The following SCAPER variants were observed in gnomAD, a reference collection of about 807,000 sequenced individuals.
The protein encoded by SCAPER is S phase cyclin A-associated protein in the endoplasmic reticulum.
In SCAPER, 98 loss-of-function variants were observed where a neutral mutation model predicts 182.2. That is an observed-to-expected ratio of 0.54 (90% CI 0.46 to 0.64). SCAPER has a LOEUF of 0.64. Among genes scored for constraint, SCAPER ranks in the 30% least tolerant of loss-of-function variants. The pLI is 0.00. For synonymous variants in SCAPER, 605 were observed against 564.6 expected, an observed-to-expected ratio of 1.07 and a Z score of -1.01; for missense variants, 1,432 against 1,690.0, an observed-to-expected ratio of 0.85 and a Z score of 2.68.
intron 21 of SCAPER, among the ~76,000 whole-genome samples, chr15:76,653,408 A>G (rs1242569531): frequency 1.3e-5 from 2 of 152,198 alleles, no homozygotes; most frequent in Non-Finnish European, 2.9e-5. Context: ...AAATAACAAC[A>G]GCAATCCTAA....
chr15:76,627,063 T>C (rs1166473364), intron 21 of SCAPER, among the ~76,000 whole-genome samples: 2 of 152,200 alleles, frequency 1.3e-5, no homozygotes, highest in African/African-American at 4.8e-5. Flanking sequence ...TTGTCTACTT[T>C]GGTAAGATTA....
intron 15 of SCAPER, among the ~76,000 whole-genome samples, chr15:76,733,617 G>A (rs573279980): frequency 2.0e-4 from 31 of 152,060 alleles, no homozygotes; most frequent in African/African-American, 7.5e-4. Context: ...AGCCAGGCGT[G>A]GTGGCAGGTG....
At chr15:76,727,628 T>G (rs1235989694) in intron 17 of SCAPER, among the ~76,000 whole-genome samples, 2 of 151,968 alleles carry the variant, frequency 1.3e-5, no homozygotes, top group Non-Finnish European at 2.9e-5. Flanking sequence ...ACTATAAAAT[T>G]TTGAAGAATG....
At chr15:76,504,708 C>G (rs2041429782) in intron 24 of SCAPER, 151 bp downstream of exon 24, 1 of 587,064 alleles carries the variant, frequency 1.7e-6, no homozygotes, top group Non-Finnish European at 2.9e-6. Context: ...ACGTTGAGCA[C>G]CTCTGTTTTT....
intron 15 of SCAPER, among the ~76,000 whole-genome samples, chr15:76,735,976 A>G (rs2061240384): frequency 6.6e-6 from 1 of 152,202 alleles, no homozygotes; most frequent in Non-Finnish European, 1.5e-5. Context: ...AATCAACCAT[A>G]GATAAAAAAT....
chr15:76,706,292 T>C (rs903021417), intron 17 of SCAPER, among the ~76,000 whole-genome samples: 2 of 151,896 alleles, frequency 1.3e-5, no homozygotes. Context: ...AAAAACTCAA[T>C]TAAACCATTA....
chr15:76,608,302 G>A lies in SCAPER; in HGVS notation c.2711+13462C>T, dbSNP rs1030570322. Among the ~76,000 whole-genome samples the A allele has an allele frequency of 4.6e-5, 7 of 152,250 alleles. No homozygotes were observed. The South Asian group carries it at 1.5e-3, about 32-fold the overall frequency. ...GTCCACTCCAGACACTGTTTGCCTG[G>A]GTATCAGCAGCGGTGGCTGCAGAAC... On this transcript the variant is annotated intron_variant, in intron 22 of 31. Transcript: ENST00000563290.
chr15:76,847,073 G>A (rs867423158), intron 4 of SCAPER, among the ~76,000 whole-genome samples: 12 of 152,188 alleles, frequency 7.9e-5, no homozygotes, highest in Admixed American at 2.0e-4. Flanking sequence ...AGGTCCTTAC[G>A]TAAATGAAAT....
Position 76,502,368 on chromosome 15 carries a change from T to C in SCAPER, c.2954+2491A>G, listed in dbSNP as rs143402353. ...TGGATTAAGAAAAATGTGGCACATA[T>C]ACACCGTGGAATACTATGCAGCCAT... On this transcript the variant is annotated intron_variant, in intron 24 of 31. Coordinates refer to ENST00000563290, the MANE Select transcript of SCAPER (RefSeq NM_020843.4). Among the ~76,000 whole-genome samples, 31 of 152,256 alleles carry C rather than the reference T, an allele frequency of 2.0e-4. 1 individual carries two copies. In the East Asian group the frequency reaches 2.7e-3, roughly 13 times the overall value.
intron 23 of SCAPER, among the ~76,000 whole-genome samples, chr15:76,511,997 C>T (rs985868851): frequency 9.9e-5 from 15 of 151,628 alleles, no homozygotes; most frequent in African/African-American, 3.6e-4. Context: ...ATTCTTCTAC[C>T]TCAGCCTCCC....
At chr15:76,866,074 A>ATCTAACTTACACTGGCATC (rs1357509150) in intron 2 of SCAPER, among the ~76,000 whole-genome samples, 1 of 152,180 alleles carries the variant, frequency 6.6e-6, no homozygotes, top group African/African-American at 2.4e-5. Flanking sequence ...GGTCAGTTCT[A>ATCTAACTTACACTGGCATC]TCTAACTTAC....
At chr15:76,893,110 G>A (rs2074248572) in intron 1 of SCAPER, among the ~76,000 whole-genome samples, 1 of 152,160 alleles carries the variant, frequency 6.6e-6, no homozygotes, top group Admixed American at 6.5e-5. Flanking sequence ...TCATCCTTGG[G>A]ATGGTAATTG....
intron 2 of SCAPER, among the ~76,000 whole-genome samples, chr15:76,881,744 TTAATG>T (rs2073553293): frequency 6.6e-6 from 1 of 152,128 alleles, no homozygotes; most frequent in Non-Finnish European, 1.5e-5. Context: ...AAATTATTGT[TTAATG>T]TATAGAGTTT....
chr15:76,489,682 T>G (rs189585220), intron 24 of SCAPER, among the ~76,000 whole-genome samples: 4 of 152,170 alleles, frequency 2.6e-5, no homozygotes, highest in African/African-American at 9.7e-5. Context: ...CACAGCATAT[T>G]TTTAAGTGTA....
chr15:76,355,615 C>T (rs1012272625), intron 29 of SCAPER, among the ~76,000 whole-genome samples: 6 of 151,908 alleles, frequency 3.9e-5, no homozygotes, highest in Admixed American at 1.3e-4. Context: ...ATTGTTAAAA[C>T]GCTATTATTG....
chr15:76,707,838 T>C (rs919878245), intron 17 of SCAPER, among the ~76,000 whole-genome samples: 2 of 152,058 alleles, frequency 1.3e-5, no homozygotes, highest in Admixed American at 6.6e-5. Context: ...ACTAGTAATG[T>C]CCACATCATA....
chr15:76,440,930 T>TTTTTC (rs2047543096), intron 25 of SCAPER, among the ~76,000 whole-genome samples: 1 of 140,478 alleles, frequency 7.1e-6, no homozygotes, highest in African/African-American at 2.7e-5. Flanking sequence ...TTTTTTTTTT[T>TTTTTC]TTTTTTTTGG....
chr15:76,766,816 A>G, intron 11 of SCAPER, 102 bp downstream of exon 11: 1 of 889,092 alleles, frequency 1.1e-6, no homozygotes. Context: ...TAAATAAATA[A>G]TTCTAAATAG....
chr15:76,638,233 T>C (rs1447651298), intron 21 of SCAPER, among the ~76,000 whole-genome samples: 1 of 152,162 alleles, frequency 6.6e-6, no homozygotes, highest in East Asian at 1.9e-4. Flanking sequence ...TTCTTTAATT[T>C]CATTTATTGA....
Sources: allele counts gnomAD v4.1 joint callset (sites outside exome capture counted in the v4.1 genomes callset), GRCh38; gene constraint gnomAD v4.1.1; transcripts MANE v1.5; gene names NCBI Gene and HGNC (gene_info 2026-07-23, HGNC 2026-07-21).